The following APPL1 variants were observed in gnomAD, a reference collection of about 807,000 sequenced individuals.
The protein encoded by APPL1 is DCC-interacting protein 13-alpha.
APPL1 carries 42 observed loss-of-function variants against 106.8 expected under a neutral mutation model. The observed-to-expected ratio is 0.39, with a 90% CI of 0.31 to 0.51. APPL1 has a LOEUF of 0.51. Among genes scored for constraint, APPL1 ranks in the 20% least tolerant of loss-of-function variants. APPL1 has a pLI of 0.75. For missense variants in APPL1, 769 were observed against 858.2 expected (o/e 0.90, Z 1.30); for synonymous variants, 263 against 281.8 (o/e 0.93, Z 0.67).
rs918298639 is a variant in APPL1 at position 57,233,896 on chromosome 3, G to A, written c.55-1670G>A. 4.6e-5 allele frequency among the ~76,000 whole-genome samples: 7 copies of A among 152,120 alleles called. No individual in the cohort carries two copies. In the East Asian group the frequency reaches 1.2e-3, roughly 25 times the overall value. On this transcript the variant is annotated intron_variant, in intron 1 of 21. Coordinates refer to ENST00000288266, the MANE Select transcript of APPL1 (RefSeq NM_012096.3). ...CAGGTGTTTGAAACCAGCCTGAGCA[G>A]CATAGTGAGACCCTGTCACTACAAA...
chr3:57,247,247 A>G, intron 8 of APPL1, 148 bp from the exon 9 acceptor site: 1 of 537,542 alleles, frequency 1.9e-6, no homozygotes, highest in Non-Finnish European at 3.3e-6. Flanking sequence ...AGTAGAAGTC[A>G]CAAACTACAA....
At chr3:57,262,005 C>G (rs928236007) in intron 19 of APPL1, among the ~76,000 whole-genome samples, 2 of 152,108 alleles carry the variant, frequency 1.3e-5, no homozygotes, top group African/African-American at 4.8e-5. Context: ...ATTTGCATTT[C>G]TCTAATGATT....
intron 18 of APPL1, 152 bp downstream of exon 18, chr3:57,260,305 C>A: frequency 5.2e-6 from 4 of 767,994 alleles, no homozygotes; most frequent in Non-Finnish European, 5.9e-6. Flanking sequence ...ATGGCCATCT[C>A]CAAAAAGTTG....
intron 11 of APPL1, among the ~76,000 whole-genome samples, chr3:57,250,299 C>T (rs115730094): frequency 0.024 from 3,607 of 152,120 alleles, 65 homozygotes; most frequent in South Asian, 0.035. Context: ...TGCCACTGTG[C>T]CTGGCAATTA....
chr3:57,233,197 C>T (rs1160431065), intron 1 of APPL1, among the ~76,000 whole-genome samples: 1 of 152,090 alleles, frequency 6.6e-6, no homozygotes, highest in Non-Finnish European at 1.5e-5. Context: ...AACCTTAAAT[C>T]ATAGCTTAAT....
In APPL1 at chr3:57,269,776, G is replaced by A. The variant is rs1352268739; in HGVS notation, c.*89G>A. The A allele has an allele frequency of 4.3e-6, 6 of 1,409,914 alleles. No homozygotes were observed. The highest frequency in any genetic ancestry group is 1.3e-5 in the South Asian group (1 of 76,730). The allele number at this position is 1,409,914 out of a possible 1,614,324, so 87.3% of individuals were successfully genotyped here. ...GGTAACAACTATGTTGAAATATCAAGGAGGAGATTAAGCTTTATATTTGCT... is the reference window on the plus strand; with the variant it reads ...GGTAACAACTATGTTGAAATATCAAAGAGGAGATTAAGCTTTATATTTGCT... On this transcript the variant is annotated 3_prime_UTR_variant, in exon 22 of 22. Transcript: ENST00000288266.
At position 57,270,946 on chromosome 3, in the gene APPL1, C is replaced by T. The variant is rs1321801231; in HGVS notation, c.*1259C>T. 1.3e-5 allele frequency: 2 copies of T among 152,006 alleles called. No individual in the cohort carries two copies. Among genetic ancestry groups the T allele is most frequent in the Middle Eastern group, 3.4e-3 (1 of 294 alleles). 9.4% of individuals were successfully genotyped at this position (152,006 alleles called of 1,614,324 possible). A position where few individuals can be genotyped will look rare whatever the true frequency, so the allele number is the denominator to read the frequency against. On this transcript the variant is annotated 3_prime_UTR_variant, in exon 22 of 22. Coordinates refer to ENST00000288266, the MANE Select transcript of APPL1 (RefSeq NM_012096.3). Reference sequence around the variant, plus strand: ...CTACTGCCTATTGTTTATGTTAAACCTTAATTTTTTTTCTGTAATCACTTT... The same window carrying T: ...CTACTGCCTATTGTTTATGTTAAACTTTAATTTTTTTTCTGTAATCACTTT...
rs138478004 is a variant in APPL1 at position 57,244,967 on chromosome 3, A to G, written c.475-1109A>G. On this transcript the variant is annotated intron_variant, in intron 7 of 21. Coordinates refer to ENST00000288266, the MANE Select transcript of APPL1 (RefSeq NM_012096.3). ...ATAGGAGGAATAAAAAATGAGTCCT[A>G]GATTTCTTGGATGTCTGGATGGATC... Among the ~76,000 whole-genome samples, 72 of 152,310 alleles carry G rather than the reference A, an allele frequency of 4.7e-4. 1 individual carries two copies. The East Asian group carries it at 0.013, about 27-fold the overall frequency.
rs922244940 is a variant in APPL1, at chr3:57,270,177, G to A, written c.*490G>A. 3 of 152,744 alleles carry A rather than the reference G, an allele frequency of 2.0e-5. No individual in the cohort carries two copies. Among genetic ancestry groups the A allele is most frequent in the Admixed American group, 6.5e-5 (1 of 15,294 alleles). The allele number at this position is 152,744 out of a possible 1,614,324, so 9.5% of individuals were successfully genotyped here. ...TGCAAATATTTTAACAATATTAAATGTGCAATAGAACTTTTATAAAATAAT... is the reference window on the plus strand; with the variant it reads ...TGCAAATATTTTAACAATATTAAATATGCAATAGAACTTTTATAAAATAAT... On this transcript the variant is annotated 3_prime_UTR_variant, in exon 22 of 22. Transcript: ENST00000288266.
At chr3:57,233,180 A>G (rs1470631225) in intron 1 of APPL1, among the ~76,000 whole-genome samples, 1 of 152,256 alleles carries the variant, frequency 6.6e-6, no homozygotes, top group East Asian at 1.9e-4. Context: ...AATTCAAGAC[A>G]TAAGAAAACC....
intron 2 of APPL1, 83 bp downstream of exon 2, chr3:57,235,747 C>T (rs2060713159): frequency 1.0e-6 from 1 of 957,742 alleles, no homozygotes; most frequent in Admixed American, 2.0e-5. Context: ...GTCTTGTTTA[C>T]CACTGCTTTA....
At chr3:57,249,592 A>T in intron 11 of APPL1, 44 bp downstream of exon 11, 2 of 1,426,788 alleles carry the variant, frequency 1.4e-6, no homozygotes, top group Non-Finnish European at 1.9e-6. Context: ...AGTATATTAA[A>T]CTTCTGAAAT....
chr3:57,247,706 G>C (rs1321683507), intron 9 of APPL1, among the ~76,000 whole-genome samples: 1 of 151,974 alleles, frequency 6.6e-6, no homozygotes, highest in Non-Finnish European at 1.5e-5. Context: ...TCTACACTCA[G>C]TTTTATGTCT....
chr3:57,256,835 T>A, intron 13 of APPL1, 122 bp from the exon 14 acceptor site: 1 of 732,538 alleles, frequency 1.4e-6, no homozygotes, highest in Non-Finnish European at 2.4e-6. Context: ...AGTACTACTT[T>A]AGTAGCTCTA....
At position 57,273,080 on chromosome 3, in the gene APPL1, G is replaced by C. The variant is rs1231253509; in HGVS notation, c.*3393G>C. On this transcript the variant is annotated 3_prime_UTR_variant, in exon 22 of 22. Transcript: ENST00000288266. ...AGTAAGACATAAAGATTTGAAACTGGAACTATATTATACTTTTTAACCAAT... is the reference window on the plus strand; with the variant it reads ...AGTAAGACATAAAGATTTGAAACTGCAACTATATTATACTTTTTAACCAAT... 6.6e-6 allele frequency: 1 copy of C among 152,460 alleles called. No homozygotes were observed. The highest frequency in any genetic ancestry group is 2.4e-5 in the African/African-American group (1 of 41,370). 9.4% of individuals were successfully genotyped at this position (152,460 alleles called of 1,614,324 possible). A position where few individuals can be genotyped will look rare whatever the true frequency, so the allele number is the denominator to read the frequency against.
chr3:57,268,340 T>C (rs1156967243), intron 20 of APPL1, 58 bp from the exon 21 acceptor site: 1 of 1,431,486 alleles, frequency 7.0e-7, no homozygotes, highest in Non-Finnish European at 9.4e-7. Flanking sequence ...AACTGAAATG[T>C]CTAAAATTTA....
At chr3:57,232,547 G>T (rs747401110) in intron 1 of APPL1, among the ~76,000 whole-genome samples, 1 of 152,178 alleles carries the variant, frequency 6.6e-6, no homozygotes, top group Non-Finnish European at 1.5e-5. Flanking sequence ...CACCTGGTGA[G>T]ATGTCAAATG....
At position 57,247,467 on chromosome 3, in the gene APPL1, A is replaced by G; in HGVS notation, c.694A>G (p.Ser232Gly). 6.3e-7 allele frequency: 1 copy of G among 1,593,308 alleles called. No homozygotes were observed. Among genetic ancestry groups the G allele is most frequent in the Non-Finnish European group, 8.6e-7 (1 of 1,163,078 alleles). ...LEEFLANIGT[S>G]VQNVRREMDS... ...AGAATTTTTAGCTAATATTGGAACA[A>G]GCGTTCAGAAGTAAGTATTTTTTTC... Residue 232 changes from serine to glycine, a missense_variant, in exon 9 of 22, where the codon AGC (serine) becomes GGC (glycine). Coordinates refer to ENST00000288266, the MANE Select transcript of APPL1 (RefSeq NM_012096.3).
intron 13 of APPL1, among the ~76,000 whole-genome samples, chr3:57,255,958 G>C (rs2060833048): frequency 6.6e-6 from 1 of 152,156 alleles, no homozygotes; most frequent in Admixed American, 6.5e-5. Context: ...CTGTATTAGT[G>C]AGAATAGGAA....
Sources: gnomAD v4.1 joint callset for allele counts (sites outside exome capture counted in the v4.1 genomes callset) on GRCh38, gnomAD v4.1.1 for gene constraint, MANE v1.5 for transcripts, NCBI Gene and HGNC (gene_info 2026-07-23, HGNC 2026-07-21) for gene names.